The following FAM184B variants were observed in gnomAD, a reference collection of about 807,000 sequenced individuals.
FAM184B encodes protein FAM184B.
FAM184B carries 111 observed loss-of-function variants against 135.9 expected under a neutral mutation model. The observed-to-expected ratio is 0.82, with a 90% CI of 0.70 to 0.96. The LOEUF (loss-of-function observed/expected upper bound fraction) is 0.96, where lower values mean the gene tolerates loss of function less well. Ranked by LOEUF, FAM184B falls within the 40% of genes least tolerant of loss-of-function variation. The pLI is 0.00. For missense variants in FAM184B, 1,375 were observed against 1,323.9 expected, an observed-to-expected ratio of 1.04 and a Z score of -0.60; for synonymous variants, 552 against 524.8, an observed-to-expected ratio of 1.05 and a Z score of -0.71.
intron 8 of FAM184B, among the ~76,000 whole-genome samples, chr4:17,662,345 T>C (rs1280495256): frequency 8.4e-5 from 2 of 23,760 alleles, no homozygotes; most frequent in Non-Finnish European, 2.0e-4. Flanking sequence ...TATTTTTTTC[T>C]TTTTTTTTTT....
At chr4:17,639,131 C>T in intron 14 of FAM184B, 119 bp downstream of exon 14, 4 of 1,085,558 alleles carry the variant, frequency 3.7e-6, no homozygotes, top group Middle Eastern at 2.1e-4. Context: ...CCGTGCCTGG[C>T]CAGAACCCAG....
intron 1 of FAM184B, among the ~76,000 whole-genome samples, chr4:17,751,452 T>G (rs931430623): frequency 6.6e-6 from 1 of 152,138 alleles, no homozygotes; most frequent in African/African-American, 2.4e-5. Flanking sequence ...AGAAGGCATG[T>G]GGCTGTGGTG....
rs146186999 is a variant in FAM184B at position 17,729,018 on chromosome 4, C to T, written c.142-19374G>A. On this transcript the variant is annotated intron_variant, in intron 1 of 17. Transcript: ENST00000265018. ...CCTAGTCAAAGAAAGGGGTGACAGACGGCACCTGGAAAATCGGGTCACTCC... is the reference window on the plus strand; with the variant it reads ...CCTAGTCAAAGAAAGGGGTGACAGATGGCACCTGGAAAATCGGGTCACTCC... Among the ~76,000 whole-genome samples, 1,458 of 152,288 alleles carry T rather than the reference C, an allele frequency of 9.6e-3. 21 individuals are homozygous for T. Among genetic ancestry groups the T allele is most frequent in the African/African-American group, 0.032 (1,349 of 41,554 alleles).
In FAM184B at chr4:17,652,834, C is replaced by A. The variant is rs1421107842; in HGVS notation, c.2187G>T (p.Leu729=). ...AGTACACTATTGGGTGTATACCTAGCAGCAGGGCCTGCTGTGCCTGCATCC... is the reference window on the plus strand; with the variant it reads ...AGTACACTATTGGGTGTATACCTAGAAGCAGGGCCTGCTGTGCCTGCATCC... ...RERMQAQQAL[L]LESLRQELSE... The change falls in exon 11 of 18, where the codon CTG becomes CTT. Residue 729 remains leucine, a synonymous_variant. Coordinates refer to ENST00000265018, the MANE Select transcript of FAM184B (RefSeq NM_015688.2). 1 of 1,550,826 alleles carries A rather than the reference C, an allele frequency of 6.4e-7. No homozygotes were observed. The highest frequency in any genetic ancestry group is 1.4e-5 in the African/African-American group (1 of 73,032).
intron 14 of FAM184B, among the ~76,000 whole-genome samples, chr4:17,638,911 A>T (rs571369816): frequency 1.3e-5 from 2 of 152,190 alleles, no homozygotes; most frequent in South Asian, 4.1e-4. Flanking sequence ...ATCTCCGTTC[A>T]CTGAAAGCTC....
At chr4:17,657,655 CTT>C (rs58666074) in intron 10 of FAM184B, among the ~76,000 whole-genome samples, 7 of 114,460 alleles carry the variant, frequency 6.1e-5, no homozygotes, top group Non-Finnish European at 5.0e-5. Flanking sequence ...CTGAGCTGTT[CTT>C]TTTTTTTTTT....
At chr4:17,688,277 G>T (rs1716636907) in intron 7 of FAM184B, 147 bp downstream of exon 7, 1 of 488,558 alleles carries the variant, frequency 2.0e-6, no homozygotes, top group Non-Finnish European at 3.4e-6. Context: ...ATTTTGTGGT[G>T]ATTTTTTTTT....
chr4:17,675,825 C>G (rs1255912447), intron 7 of FAM184B, among the ~76,000 whole-genome samples: 2 of 152,154 alleles, frequency 1.3e-5, no homozygotes, highest in African/African-American at 4.8e-5. Flanking sequence ...CTGCAGCTTC[C>G]TTGACTCTCT....
rs748330249 is a variant in FAM184B at position 17,642,130 on chromosome 4, C to T, written c.2445G>A (p.Gln815=). 4 of 1,533,646 alleles carry T rather than the reference C, an allele frequency of 2.6e-6. No individual in the cohort carries two copies. The highest frequency in any genetic ancestry group is 1.2e-5 in the South Asian group (1 of 83,898). ...CCGCGCGCAGCCGCCGCACCGCGTC[C>T]TGGAGCTGCGCGTTCTCCTCCCAGA... ...CGLWEENAQL[Q]DAVRRLRAEV... Residue 815 remains glutamine, a synonymous_variant, in exon 13 of 18, where the codon CAG becomes CAA. Coordinates refer to ENST00000265018, the MANE Select transcript of FAM184B (RefSeq NM_015688.2).
intron 1 of FAM184B, among the ~76,000 whole-genome samples, chr4:17,739,021 T>C (rs764075545): frequency 1.8e-4 from 28 of 152,350 alleles, no homozygotes; most frequent in Admixed American, 3.3e-4. Flanking sequence ...ATAAACCTTT[T>C]TTCTTTATAA....
rs192646078 is a variant in FAM184B at position 17,686,512 on chromosome 4, A to C, written c.1596+1912T>G. ...GGCATCCTGGGCATGTGCTGCTCTTATGGAGAGAGGAGGGGATCAGAGCCA... is the reference window on the plus strand; with the variant it reads ...GGCATCCTGGGCATGTGCTGCTCTTCTGGAGAGAGGAGGGGATCAGAGCCA... On this transcript the variant is annotated intron_variant, in intron 7 of 17. Coordinates refer to ENST00000265018, the MANE Select transcript of FAM184B (RefSeq NM_015688.2). 1.1e-3 allele frequency among the ~76,000 whole-genome samples: 160 copies of C among 152,326 alleles called. 1 individual carries two copies. The highest frequency in any genetic ancestry group is 3.8e-3 in the African/African-American group (157 of 41,570).
intron 1 of FAM184B, among the ~76,000 whole-genome samples, chr4:17,745,820 G>A (rs1317285111): frequency 6.6e-6 from 1 of 152,156 alleles, no homozygotes; most frequent in African/African-American, 2.4e-5. Flanking sequence ...CTGGCTCAAA[G>A]GTCCTACCTG....
intron 1 of FAM184B, among the ~76,000 whole-genome samples, chr4:17,737,579 T>C (rs908529085): frequency 2.0e-5 from 3 of 152,142 alleles, no homozygotes; most frequent in Non-Finnish European, 4.4e-5. Context: ...AAGCAAGATA[T>C]CACCAGGATC....
chr4:17,664,736 G>C (rs963720422), intron 7 of FAM184B, 77 bp from the exon 8 acceptor site: 13 of 1,240,348 alleles, frequency 1.0e-5, no homozygotes, highest in Non-Finnish European at 1.4e-5. Flanking sequence ...TCAACCTGTG[G>C]CTTATTCAAA....
chr4:17,640,501 T>G (rs796699616), intron 13 of FAM184B, among the ~76,000 whole-genome samples: 252 of 125,316 alleles, frequency 2.0e-3, no homozygotes, highest in African/African-American at 5.1e-3. Context: ...AAAAAGAAAA[T>G]AAATGAACAA....
chr4:17,723,435 G>C (rs887303675), intron 1 of FAM184B, among the ~76,000 whole-genome samples: 8 of 152,320 alleles, frequency 5.3e-5, no homozygotes, highest in South Asian at 2.1e-4. Flanking sequence ...GAATTTCTGT[G>C]CCCTGACTGC....
intron 5 of FAM184B, among the ~76,000 whole-genome samples, chr4:17,703,255 G>A (rs1035523839): frequency 2.6e-5 from 4 of 152,104 alleles, no homozygotes; most frequent in Non-Finnish European, 5.9e-5. Flanking sequence ...CCAGCATTTT[G>A]GGAGGCTAAG....
intron 15 of FAM184B, among the ~76,000 whole-genome samples, chr4:17,636,078 T>C (rs953266707): frequency 3.9e-5 from 6 of 152,144 alleles, no homozygotes; most frequent in Admixed American, 3.9e-4. Context: ...ATTAATTTTT[T>C]AGTGAGTATG....
chr4:17,742,160 ATATATATATTT>A (rs1380340246), intron 1 of FAM184B, among the ~76,000 whole-genome samples: 3,383 of 16,552 alleles, frequency 0.2, 90 homozygotes, highest in African/African-American at 0.3. Context: ...ATATATATAT[ATATATATATTT>A]TTTTTTTTTA....
Sources: allele counts gnomAD v4.1 joint callset (sites outside exome capture counted in the v4.1 genomes callset), GRCh38; gene constraint gnomAD v4.1.1; transcripts MANE v1.5; gene names NCBI Gene and HGNC (gene_info 2026-07-23, HGNC 2026-07-21).